The following SENP7 variants were observed in gnomAD, a reference collection of about 807,000 sequenced individuals.
SENP7 encodes sentrin-specific protease 7.
SENP7 carries 64 observed loss-of-function variants against 141.2 expected under a neutral mutation model. The ratio of observed to expected loss-of-function variants is 0.45; its 90% CI spans 0.37 to 0.56. The LOEUF (loss-of-function observed/expected upper bound fraction) is 0.56, where lower values mean the gene tolerates loss of function less well. SENP7 is among the 20% of genes least tolerant of loss of function. The pLI is 0.00. For missense variants in SENP7, 1,025 were observed against 1,212.2 expected, an observed-to-expected ratio of 0.85 and a Z score of 2.29; for synonymous variants, 382 against 426.4, an observed-to-expected ratio of 0.90 and a Z score of 1.28.
At chr3:101,338,982 A>C (rs796133307) in intron 16 of SENP7, among the ~76,000 whole-genome samples, 3 of 152,344 alleles carry the variant, frequency 2.0e-5, no homozygotes, top group African/African-American at 7.2e-5. Context: ...GACATGCAAA[A>C]GTGCAAAGAA....
chr3:101,343,039 T>C (rs181533355), intron 14 of SENP7, among the ~76,000 whole-genome samples: 7 of 152,308 alleles, frequency 4.6e-5, no homozygotes, highest in Admixed American at 1.3e-4. Context: ...CATAATTATA[T>C]TGAGATTACA....
chr3:101,490,239 T>C (rs1386140853), intron 3 of SENP7, among the ~76,000 whole-genome samples: 1 of 144,734 alleles, frequency 6.9e-6, no homozygotes, highest in East Asian at 2.0e-4. Context: ...AGTCAGTCAA[T>C]AGAGAATTAA....
chr3:101,502,778 C>T (rs12496243), intron 1 of SENP7, among the ~76,000 whole-genome samples: 60,334 of 151,754 alleles, frequency 0.4, 12,509 homozygotes, highest in Admixed American at 0.54. Context: ...GAGCTGGACA[C>T]GGTAGCACAT....
rs142404240 is a variant in SENP7, at chr3:101,371,072, T to C, written c.796+936A>G. On this transcript the variant is annotated intron_variant, in intron 7 of 23. Coordinates refer to ENST00000394095, the MANE Select transcript of SENP7 (RefSeq NM_020654.5). ...TGGGAAGCCGAGGCAGGCAGATCAC[T>C]GGAGCCCAGGAGTTTGAGACCAGCC... Among the ~76,000 whole-genome samples the C allele has an allele frequency of 5.8e-3, 883 of 152,296 alleles. 15 individuals carry two copies. Among genetic ancestry groups the C allele is most frequent in the African/African-American group, 0.02 (813 of 41,574 alleles).
intron 4 of SENP7, among the ~76,000 whole-genome samples, chr3:101,426,985 A>C (rs1438105896): frequency 6.6e-6 from 1 of 152,152 alleles, no homozygotes; most frequent in African/African-American, 2.4e-5. Flanking sequence ...TAACATCCCC[A>C]ACTCATTCTA....
intron 6 of SENP7, among the ~76,000 whole-genome samples, chr3:101,375,545 A>G (rs1215683045): frequency 1.1e-5 from 1 of 88,810 alleles, no homozygotes; most frequent in African/African-American, 3.9e-5. Flanking sequence ...TCCATCTCCA[A>G]AAAAAAAAAA....
At chr3:101,343,986 G>A in intron 13 of SENP7, 32 bp from the exon 14 acceptor site, 2 of 1,351,770 alleles carry the variant, frequency 1.5e-6, no homozygotes, top group Non-Finnish European at 2.0e-6. Context: ...TGTATCAATA[G>A]TATTATTTTT....
chr3:101,372,062 T>C lies in SENP7; in HGVS notation c.742A>G (p.Lys248Glu). Residue 248 changes from lysine (K) to glutamate (E), a missense_variant, in exon 7 of 24, where the codon AAA (lysine) becomes GAA (glutamate). Lys to Glu is a moderately conservative substitution (Grantham distance 56). This residue lies in a region of SENP7 where 496 missense variants were observed against 503.5 expected (regional missense o/e 0.99). Transcript: ENST00000394095. ...GAAATGCCATCATCCTTTCTTCGTT[T>C]TTCTTTATTGTGCGCAGTCTGCTTT... ...SAKQTAHNKE[K>E]RRKDDGISLL... 1 of 1,568,008 alleles carries C rather than the reference T, an allele frequency of 6.4e-7. No homozygotes were observed. Among genetic ancestry groups the C allele is most frequent in the African/African-American group, 1.3e-5 (1 of 74,568 alleles).
At position 101,417,808 on chromosome 3, in the gene SENP7, A is replaced by G; in HGVS notation, c.285-18T>C. 6.4e-7 allele frequency: 1 copy of G among 1,573,724 alleles called. No homozygotes were observed. Among genetic ancestry groups the G allele is most frequent in the Non-Finnish European group, 8.7e-7 (1 of 1,143,414 alleles). The stretch of plus-strand genomic sequence containing the variant: ...TGAGTTGCCTGTTATACACATAAAT[A>G]ATTAGTATATATGGTACTACACATT... On this transcript the variant is annotated intron_variant, in intron 4 of 23. Coordinates refer to ENST00000394095, the MANE Select transcript of SENP7 (RefSeq NM_020654.5).
intron 4 of SENP7, among the ~76,000 whole-genome samples, chr3:101,431,860 C>A (rs2062190719): frequency 7.6e-6 from 1 of 131,088 alleles, no homozygotes; most frequent in South Asian, 2.5e-4. Flanking sequence ...TGACAACTGG[C>A]CAAATACTAA....
At chr3:101,371,904 C>T (rs1341162301) in intron 7 of SENP7, 104 bp downstream of exon 7, 2 of 416,586 alleles carry the variant, frequency 4.8e-6, no homozygotes, top group East Asian at 4.1e-5. Flanking sequence ...TTTACTTTCA[C>T]ATATCCTTTC....
At chr3:101,355,937 C>T (rs1221584057) in intron 11 of SENP7, among the ~76,000 whole-genome samples, 1 of 151,920 alleles carries the variant, frequency 6.6e-6, no homozygotes, top group Non-Finnish European at 1.5e-5. Flanking sequence ...CCCTGGTTAG[C>T]TGTATTCATA....
intron 22 of SENP7, among the ~76,000 whole-genome samples, chr3:101,328,207 TAATC>T (rs1260120156): frequency 2.0e-5 from 3 of 152,164 alleles, no homozygotes; most frequent in South Asian, 4.1e-4. Flanking sequence ...GTACTTTTGA[TAATC>T]AATGCAATGC....
At chr3:101,437,102 T>C (rs567629746) in intron 4 of SENP7, among the ~76,000 whole-genome samples, 6 of 152,292 alleles carry the variant, frequency 3.9e-5, no homozygotes, top group African/African-American at 1.4e-4. Context: ...TTACGTTAAG[T>C]GAAACAAGCC....
intron 4 of SENP7, among the ~76,000 whole-genome samples, chr3:101,424,800 A>C (rs2061904137): frequency 6.6e-6 from 1 of 152,164 alleles, no homozygotes; most frequent in African/African-American, 2.4e-5. Flanking sequence ...GCCACAGCCA[A>C]CAGACATGCA....
chr3:101,418,280 G>A (rs1280253839), intron 4 of SENP7, among the ~76,000 whole-genome samples: 4 of 151,070 alleles, frequency 2.6e-5, no homozygotes, highest in Non-Finnish European at 5.9e-5. Context: ...TCTAAAATAG[G>A]TCAACTTAAA....
chr3:101,368,070 G>C lies in SENP7; in HGVS notation c.797-59C>G, dbSNP rs1180687848. ...AAAAGTATAGAGAGAATCTCTTTTA[G>C]AAAAGCTCGAAGTAACATCATCAGG... On this transcript the variant is annotated intron_variant, in intron 7 of 23. Transcript: ENST00000394095. 9 of 1,333,776 alleles carry C rather than the reference G, an allele frequency of 6.7e-6. No homozygotes were observed. The Middle Eastern group carries it at 7.5e-4, about 111-fold the overall frequency. 82.6% of individuals were successfully genotyped at this position (1,333,776 alleles called of 1,614,324 possible). A position where few individuals can be genotyped will look rare whatever the true frequency, so the allele number is the denominator to read the frequency against.
chr3:101,488,936 A>T (rs868540747), intron 3 of SENP7, among the ~76,000 whole-genome samples: 7 of 152,170 alleles, frequency 4.6e-5, no homozygotes, highest in Middle Eastern at 6.8e-3. Flanking sequence ...TACAGAAGGA[A>T]CTCCCATCAG....
At chr3:101,380,101 A>G (rs1394146936) in intron 6 of SENP7, among the ~76,000 whole-genome samples, 1 of 152,194 alleles carries the variant, frequency 6.6e-6, no homozygotes, top group African/African-American at 2.4e-5. Context: ...CCACTTATTT[A>G]AGGTACTTAG....
Sources: allele counts gnomAD v4.1 joint callset (sites outside exome capture counted in the v4.1 genomes callset), GRCh38; gene constraint gnomAD v4.1.1; regional missense constraint gnomAD v4.1.1; transcripts MANE v1.5; gene names NCBI Gene and HGNC (gene_info 2026-07-23, HGNC 2026-07-21).